The following SMAD6 variants were observed in gnomAD, a reference collection of about 807,000 sequenced individuals.
SMAD6 encodes the protein SMAD family member 6, also known as MAD homolog 6.
In SMAD6, 103 loss-of-function variants were observed where a neutral mutation model predicts 39.4. The ratio of observed to expected loss-of-function variants is 2.62; its 90% confidence interval spans 2.23 to 3.08. SMAD6 has a LOEUF of 3.08. Ranked by LOEUF, SMAD6 falls within the 30% of genes most tolerant of loss-of-function variation. The probability of loss-of-function intolerance (pLI) is 0.00; values close to 1 mark genes in which losing one functional copy is unlikely to be tolerated. For synonymous variants in SMAD6, 445 were observed against 353.3 expected (o/e 1.26, Z -2.91); for missense variants, 1,104 against 742.9 (o/e 1.49, Z -5.65).
intron 3 of SMAD6, among the ~76,000 whole-genome samples, chr15:66,750,401 T>C (rs905144586): frequency 6.6e-6 from 1 of 152,180 alleles, no homozygotes; most frequent in Non-Finnish European, 1.5e-5. Flanking sequence ...TGAATGCTCA[T>C]TGAATGACTC....
At chr15:66,768,254 G>A (rs975212198) in intron 3 of SMAD6, among the ~76,000 whole-genome samples, 1 of 152,150 alleles carries the variant, frequency 6.6e-6, no homozygotes, top group East Asian at 1.9e-4. Flanking sequence ...TTATAGGCAT[G>A]AGCCACCATA....
chr15:66,721,551 C>T (rs1040956800), intron 3 of SMAD6, among the ~76,000 whole-genome samples: 1 of 152,164 alleles, frequency 6.6e-6, no homozygotes, highest in Non-Finnish European at 1.5e-5. Context: ...CTGAGTCGGC[C>T]ATCTATTAGT....
At chr15:66,723,705 CAA>C (rs1157856038) in intron 3 of SMAD6, among the ~76,000 whole-genome samples, 4 of 152,012 alleles carry the variant, frequency 2.6e-5, no homozygotes, top group Non-Finnish European at 4.4e-5. Context: ...AAATTAAAAA[CAA>C]AGAAGAATTT....
chr15:66,726,974 C>G (rs935062465), intron 3 of SMAD6, among the ~76,000 whole-genome samples: 2 of 152,120 alleles, frequency 1.3e-5, no homozygotes, highest in African/African-American at 4.8e-5. Context: ...GACTGTCTCC[C>G]ACTCAAGGCA....
At chr15:66,776,822 A>C (rs543987288) in intron 3 of SMAD6, among the ~76,000 whole-genome samples, 24 of 152,354 alleles carry the variant, frequency 1.6e-4, no homozygotes, top group Admixed American at 1.4e-3. Context: ...CTGTAATTCC[A>C]ACACTTTGGG....
chr15:66,724,201 AG>A (rs887420898), intron 3 of SMAD6, among the ~76,000 whole-genome samples: 3 of 152,326 alleles, frequency 2.0e-5, no homozygotes, highest in Admixed American at 1.3e-4. Context: ...CATGGATACC[AG>A]GGAACCCTGG....
At chr15:66,718,200 T>G (rs1456285306) in intron 3 of SMAD6, among the ~76,000 whole-genome samples, 1 of 151,284 alleles carries the variant, frequency 6.6e-6, no homozygotes, top group African/African-American at 2.4e-5. Context: ...AGATGTAATC[T>G]CATTTGATCC....
At position 66,782,694 on chromosome 15, in the gene SMAD6, G is replaced by C. The variant is rs1407144523; in HGVS notation, c.*1159G>C. 4 of 152,210 alleles carry C rather than the reference G, an allele frequency of 2.6e-5. No homozygotes were observed. The highest frequency in any genetic ancestry group is 2.6e-4 in the Admixed American group (4 of 15,288). The allele number at this position is 152,210 out of a possible 1,614,324, so 9.4% of individuals were successfully genotyped here. A position where few individuals can be genotyped will look rare whatever the true frequency, so the allele number is the denominator to read the frequency against. ...CATATCATTAGATCAGCTTTCTGAA[G>C]AATATTCTCAAAAAAAGAAAGTCTC... On this transcript the variant is annotated 3_prime_UTR_variant, in exon 4 of 4. Coordinates refer to ENST00000288840, the MANE Select transcript of SMAD6 (RefSeq NM_005585.5).
At chr15:66,779,358 CCA>C (rs1668060847) in intron 3 of SMAD6, among the ~76,000 whole-genome samples, 1 of 152,202 alleles carries the variant, frequency 6.6e-6, no homozygotes, top group Non-Finnish European at 1.5e-5. Context: ...GCAAAATGAT[CCA>C]AGCTGCGGGC....
At chr15:66,725,691 A>T (rs1195255554) in intron 3 of SMAD6, among the ~76,000 whole-genome samples, 1 of 152,190 alleles carries the variant, frequency 6.6e-6, no homozygotes, top group East Asian at 1.9e-4. Flanking sequence ...TGGGAGGGGC[A>T]GGGCACCATT....
At chr15:66,770,938 G>C (rs967816422) in intron 3 of SMAD6, among the ~76,000 whole-genome samples, 3 of 152,232 alleles carry the variant, frequency 2.0e-5, no homozygotes, top group Non-Finnish European at 4.4e-5. Flanking sequence ...TGATGGAGGA[G>C]ATAGCTCTAC....
chr15:66,781,721 A>G lies in SMAD6; in HGVS notation c.*186A>G, dbSNP rs1424510817. 1 of 416,434 alleles carries G rather than the reference A, an allele frequency of 2.4e-6. No homozygotes were observed. The highest frequency in any genetic ancestry group is 2.1e-5 in the African/African-American group (1 of 48,704). The allele number at this position is 416,434 out of a possible 1,614,324, so 25.8% of individuals were successfully genotyped here. Reference sequence around the variant, plus strand: ...ATATTATACTTGTAATTATGGAGTCATTTTTACAATGTAATTATTTATGTA... The same window carrying G: ...ATATTATACTTGTAATTATGGAGTCGTTTTTACAATGTAATTATTTATGTA... On this transcript the variant is annotated 3_prime_UTR_variant, in exon 4 of 4. Transcript: ENST00000288840.
chr15:66,702,589 G>C lies in SMAD6; in HGVS notation c.-670G>C, dbSNP rs1892995571. The C allele has an allele frequency of 6.6e-6, 1 of 152,508 alleles. No individual in the cohort carries two copies. Among genetic ancestry groups the C allele is most frequent in the African/African-American group, 2.4e-5 (1 of 41,404 alleles). The allele number at this position is 152,508 out of a possible 1,614,324, so 9.4% of individuals were successfully genotyped here. A position where few individuals can be genotyped will look rare whatever the true frequency, so the allele number is the denominator to read the frequency against. Reference sequence around the variant, plus strand: ...AGCTTCCACTCATGTGTTGACACCCGCGTCCAGGAGAAACTCGCTCCAAGT... The same window carrying C: ...AGCTTCCACTCATGTGTTGACACCCCCGTCCAGGAGAAACTCGCTCCAAGT... On this transcript the variant is annotated 5_prime_UTR_variant, in exon 1 of 4. Transcript: ENST00000288840.
intron 1 of SMAD6, chr15:66,708,807 T>A: frequency 2.2e-6 from 1 of 455,876 alleles, no homozygotes; most frequent in South Asian, 1.6e-5. Context: ...GGATGGTGTT[T>A]CTTTTTGCGA....
intron 3 of SMAD6, among the ~76,000 whole-genome samples, chr15:66,762,758 G>C (rs1894222644): frequency 6.6e-6 from 1 of 152,126 alleles, no homozygotes. Context: ...TTAAGGGTCA[G>C]CTTCAGAACC....
intron 3 of SMAD6, 38 bp downstream of exon 3, chr15:66,716,536 A>C: frequency 6.7e-7 from 1 of 1,481,840 alleles, no homozygotes; most frequent in Non-Finnish European, 9.4e-7. Context: ...TTGTGTTGAA[A>C]TTTATCGAAG....
At chr15:66,762,911 G>A (rs1193362123) in intron 3 of SMAD6, among the ~76,000 whole-genome samples, 1 of 152,048 alleles carries the variant, frequency 6.6e-6, no homozygotes, top group East Asian at 1.9e-4. Flanking sequence ...GAGGGAGAGA[G>A]AAAAAGGAGT....
intron 3 of SMAD6, among the ~76,000 whole-genome samples, chr15:66,745,623 G>A (rs1893893971): frequency 6.6e-6 from 1 of 152,202 alleles, no homozygotes. Flanking sequence ...TGTTGATGAG[G>A]ACACCAAGTG....
chr15:66,712,688 C>CAAAA (rs775687604), intron 2 of SMAD6, among the ~76,000 whole-genome samples: 3 of 49,364 alleles, frequency 6.1e-5, no homozygotes, highest in Admixed American at 2.1e-4. Flanking sequence ...AATTCTGTCT[C>CAAAA]AAAAAAAAAA....
Sources: gnomAD v4.1 joint callset for allele counts (sites outside exome capture counted in the v4.1 genomes callset) on GRCh38, gnomAD v4.1.1 for gene constraint, MANE v1.5 for transcripts, NCBI Gene and HGNC (gene_info 2026-07-23, HGNC 2026-07-21) for gene names.